CECR2: variants seen among roughly 807,000 people sequenced by gnomAD.
CECR2 encodes CECR2 histone acetyl-lysine reader, also known as chromatin remodeling regulator CECR2.
CECR2 carries 30 observed loss-of-function variants against 154.5 expected under a neutral mutation model. The observed-to-expected ratio is 0.19, with a 90% CI of 0.15 to 0.26. The LOEUF (loss-of-function observed/expected upper bound fraction) is 0.26. Ranked by LOEUF, CECR2 falls within the 10% of genes least tolerant of loss-of-function variation. CECR2 has a pLI of 1.00. For missense variants in CECR2, 1,743 were observed against 1,829.3 expected (o/e 0.95, Z 0.86); for synonymous variants, 725 against 683.7 (o/e 1.06, Z -0.94).
intron 1 of CECR2, among the ~76,000 whole-genome samples, chr22:17,383,927 C>T (rs1483911627): frequency 6.6e-6 from 1 of 152,284 alleles, no homozygotes; most frequent in South Asian, 2.1e-4. Flanking sequence ...CCTACCTCGG[C>T]CTCCCAAAGT....
At chr22:17,464,539 G>A (rs532282730) in intron 1 of CECR2, among the ~76,000 whole-genome samples, 29 of 151,996 alleles carry the variant, frequency 1.9e-4, no homozygotes, top group African/African-American at 6.8e-4. Flanking sequence ...CTGCTTGGTC[G>A]TTCAGACTGG....
intron 2 of CECR2, among the ~76,000 whole-genome samples, chr22:17,493,173 T>C (rs2055561578): frequency 6.6e-6 from 1 of 152,096 alleles, no homozygotes; most frequent in African/African-American, 2.4e-5. Flanking sequence ...GCTTTCTCTG[T>C]GTTGGCCAGG....
intron 1 of CECR2, among the ~76,000 whole-genome samples, chr22:17,445,976 A>C (rs1262571675): frequency 6.6e-6 from 1 of 152,138 alleles, no homozygotes; most frequent in African/African-American, 2.4e-5. Context: ...TATTTGTATT[A>C]TTCCCGAATG....
rs547440835 is a variant in CECR2 at position 17,478,569 on chromosome 22, A to T, written c.221+887A>T. ...ATGGGGTTTCACCGTGTTAGCCAGG[A>T]TGGTCTCGATCTCCCGACCTCGTGA... On this transcript the variant is annotated intron_variant, in intron 2 of 18. Coordinates refer to ENST00000262608, the MANE Select transcript of CECR2 (RefSeq NM_001290047.2). Among the ~76,000 whole-genome samples, 50 of 152,048 alleles carry T rather than the reference A, an allele frequency of 3.3e-4. 1 individual carries two copies. Among genetic ancestry groups the T allele is most frequent in the African/African-American group, 1.2e-3 (49 of 41,470 alleles).
chr22:17,395,822 A>G (rs754789603), intron 1 of CECR2, among the ~76,000 whole-genome samples: 10 of 152,106 alleles, frequency 6.6e-5, no homozygotes, highest in Admixed American at 2.0e-4. Flanking sequence ...TTTGTTGTAA[A>G]AGGGTAATAA....
chr22:17,400,466 A>C (rs546958630), intron 1 of CECR2, among the ~76,000 whole-genome samples: 1 of 152,166 alleles, frequency 6.6e-6, no homozygotes, highest in Non-Finnish European at 1.5e-5. Context: ...AGCTAGGCAC[A>C]CCTGCCAACT....
intron 1 of CECR2, among the ~76,000 whole-genome samples, chr22:17,464,542 C>G (rs946394069): frequency 6.6e-6 from 1 of 152,106 alleles, no homozygotes; most frequent in Non-Finnish European, 1.5e-5. Flanking sequence ...CTTGGTCGTT[C>G]AGACTGGAGT....
rs538229445 is a variant in CECR2, at chr22:17,402,134, C to G, written c.126+32225C>G. 4.6e-5 allele frequency among the ~76,000 whole-genome samples: 7 copies of G among 152,202 alleles called. No individual in the cohort carries two copies. The South Asian group carries it at 1.5e-3, about 32-fold the overall frequency. On this transcript the variant is annotated intron_variant, in intron 1 of 18. Transcript: ENST00000262608. ...GAGTAGCTGGGATTACAGGTGCCCA[C>G]CACCATGCCCAGCTAATTTCTTGTA...
In CECR2 at chr22:17,548,746, C is replaced by A; in HGVS notation, c.3459C>A (p.Ser1153=). 1 of 1,613,758 alleles carries A rather than the reference C, an allele frequency of 6.2e-7. No individual in the cohort carries two copies. The highest frequency in any genetic ancestry group is 8.5e-7 in the Non-Finnish European group (1 of 1,179,846). The change falls in exon 17 of 19, where the codon TCC becomes TCA. Residue 1153 remains serine, a synonymous_variant. Coordinates refer to ENST00000262608, the MANE Select transcript of CECR2 (RefSeq NM_001290047.2). The part of the protein sequence containing the change: ...GPVMGGKSPA[S]HPQHFPPRGF... The stretch of plus-strand genomic sequence containing the variant: ...TGATGGGAGGGAAGTCCCCAGCATC[C>A]CATCCCCAGCATTTTCCCCCAAGGG...
chr22:17,539,195 A>G (rs1428508634), intron 13 of CECR2, 76 bp downstream of exon 13: 9 of 1,503,696 alleles, frequency 6.0e-6, no homozygotes, highest in Non-Finnish European at 7.3e-6. Context: ...ACAAATACAC[A>G]TCCTAGTGCC....
chr22:17,511,325 G>A lies in CECR2; in HGVS notation c.871-488G>A, dbSNP rs917657631. 1.4e-4 allele frequency among the ~76,000 whole-genome samples: 22 copies of A among 152,142 alleles called. No homozygotes were observed. The East Asian group carries it at 1.5e-3, about 11-fold the overall frequency. On this transcript the variant is annotated intron_variant, in intron 7 of 18. Coordinates refer to ENST00000262608, the MANE Select transcript of CECR2 (RefSeq NM_001290047.2). ...CCTTGGCACTCACCGCATTCTGCTC[G>A]CTGAGCCCTTTTCCCACCCCTGCTC...
intron 1 of CECR2, among the ~76,000 whole-genome samples, chr22:17,423,148 G>T (rs929973344): frequency 4.6e-5 from 7 of 152,088 alleles, no homozygotes; most frequent in African/African-American, 1.7e-4. Flanking sequence ...GTGAGGGGTG[G>T]GAAAGCAGGA....
At chr22:17,435,838 A>G (rs1301831561) in intron 1 of CECR2, among the ~76,000 whole-genome samples, 1 of 152,130 alleles carries the variant, frequency 6.6e-6, no homozygotes, top group Non-Finnish European at 1.5e-5. Context: ...ACACTGTACT[A>G]AATTAGATTT....
At chr22:17,526,086 G>A in intron 9 of CECR2, among the ~76,000 whole-genome samples, 1 of 152,046 alleles carries the variant, frequency 6.6e-6, no homozygotes, top group East Asian at 1.9e-4. Flanking sequence ...AGTACTCAAA[G>A]TAATCTACAG....
At chr22:17,408,665 A>G (rs183098702) in intron 1 of CECR2, among the ~76,000 whole-genome samples, 6 of 152,356 alleles carry the variant, frequency 3.9e-5, no homozygotes, top group Non-Finnish European at 4.4e-5. Flanking sequence ...ATCAGTTCAC[A>G]TAAAAGGTTA....
At chr22:17,435,048 T>G (rs1177808319) in intron 1 of CECR2, among the ~76,000 whole-genome samples, 2 of 152,092 alleles carry the variant, frequency 1.3e-5, no homozygotes, top group Non-Finnish European at 2.9e-5. Flanking sequence ...GATGTGCAGT[T>G]AATGAGTTGG....
intron 6 of CECR2, 148 bp downstream of exon 6, chr22:17,503,279 C>A: frequency 1.5e-6 from 1 of 666,678 alleles, no homozygotes; most frequent in Non-Finnish European, 2.6e-6. Context: ...AGTTCTCCTC[C>A]TCACACCTTA....
intron 2 of CECR2, among the ~76,000 whole-genome samples, chr22:17,491,543 T>G (rs2055529050): frequency 6.9e-6 from 1 of 144,456 alleles, no homozygotes; most frequent in East Asian, 2.0e-4. Flanking sequence ...TGTATCACTT[T>G]ATTTCCACTA....
intron 1 of CECR2, among the ~76,000 whole-genome samples, chr22:17,418,543 T>A (rs1291350634): frequency 6.6e-6 from 1 of 152,212 alleles, no homozygotes; most frequent in African/African-American, 2.4e-5. Context: ...CTGTTATAAT[T>A]AGCTGTGAGC....
Sources: gnomAD v4.1 joint callset for allele counts (sites outside exome capture counted in the v4.1 genomes callset) on GRCh38, gnomAD v4.1.1 for gene constraint, MANE v1.5 for transcripts, NCBI Gene and HGNC (gene_info 2026-07-23, HGNC 2026-07-21) for gene names.